The following RBFOX1 variants were observed in gnomAD, a reference collection of about 807,000 sequenced individuals.
RBFOX1 encodes RNA binding protein fox-1 homolog 1.
RBFOX1 carries 8 observed loss-of-function variants against 57.7 expected under a neutral mutation model. That is an observed-to-expected ratio of 0.14 (90% CI 0.08 to 0.25). The LOEUF is 0.25. Among genes scored for constraint, RBFOX1 ranks in the 10% least tolerant of loss-of-function variants. RBFOX1 has a pLI of 1.00. For missense variants in RBFOX1, 611 were observed against 548.5 expected (o/e 1.11, Z -1.14); for synonymous variants, 326 against 222.4 (o/e 1.47, Z -4.15).
intron 1 of RBFOX1, among the ~76,000 whole-genome samples, chr16:6,044,783 C>G (rs2095477865): frequency 6.6e-6 from 1 of 152,218 alleles, no homozygotes. Flanking sequence ...GGCGTGAACT[C>G]TGAACTGCCT....
At chr16:7,493,655 G>C (rs1460508673) in intron 4 of RBFOX1, among the ~76,000 whole-genome samples, 1 of 152,182 alleles carries the variant, frequency 6.6e-6, no homozygotes, top group Non-Finnish European at 1.5e-5. Flanking sequence ...TGGAGAAAGA[G>C]ACCACAAGGT....
chr16:7,116,411 A>G (rs1406745696), intron 4 of RBFOX1, among the ~76,000 whole-genome samples: 7 of 152,108 alleles, frequency 4.6e-5, no homozygotes, highest in South Asian at 4.1e-4. Context: ...AGGGACAGCA[A>G]TATTGCAGTG....
intron 1 of RBFOX1, among the ~76,000 whole-genome samples, chr16:6,193,412 A>ATATATATAC (rs2097159299): frequency 5.2e-5 from 5 of 95,664 alleles, no homozygotes; most frequent in Admixed American, 1.3e-4. Flanking sequence ...ATATATATAT[A>ATATATATAC]TATATATATA....
chr16:6,674,388 C>G (rs28417112), intron 3 of RBFOX1, among the ~76,000 whole-genome samples: 18,799 of 151,934 alleles, frequency 0.12, 1,516 homozygotes, highest in African/African-American at 0.22. Flanking sequence ...ATGGTGCGAT[C>G]TCAGCTCACC....
Position 5,946,495 on chromosome 16 carries a change from G to A in RBFOX1, c.351+79160G>A, listed in dbSNP as rs369796410. 1.2e-4 allele frequency among the ~76,000 whole-genome samples: 19 copies of A among 152,316 alleles called. No individual in the cohort carries two copies. The highest frequency in any genetic ancestry group is 3.1e-4 in the African/African-American group (13 of 41,584). ...CATGGAATGGGAGTGCCTCATGGTG[G>A]GGTGCCTGGAGAGGACATGGAAGTT... is the stretch of plus-strand genomic sequence containing the variant. On this transcript the variant is annotated intron_variant, in intron 4 of 19. Coordinates refer to the RBFOX1 transcript ENST00000641259. This position sits in a 1 kb window ranked among gnomAD's most constrained non-coding sequence, Gnocchi z 4.6.
At chr16:5,641,994 G>A (rs184238544) in intron 3 of RBFOX1, among the ~76,000 whole-genome samples, 1 of 152,192 alleles carries the variant, frequency 6.6e-6, no homozygotes, top group South Asian at 2.1e-4. Context: ...TGGATCTCGA[G>A]TGAGTTCTCA....
chr16:6,501,469 C>G (rs1405730516), intron 2 of RBFOX1, among the ~76,000 whole-genome samples: 1 of 151,968 alleles, frequency 6.6e-6, no homozygotes, highest in African/African-American at 2.4e-5. Flanking sequence ...AGGACATGAA[C>G]TCACCATTTT....
intron 4 of RBFOX1, among the ~76,000 whole-genome samples, chr16:7,259,118 C>T (rs542052028): frequency 1.3e-5 from 2 of 152,118 alleles, no homozygotes; most frequent in African/African-American, 2.4e-5. Context: ...CCTGGTTGAC[C>T]ATCTCCATCA....
chr16:5,703,479 T>C (rs17432885), intron 3 of RBFOX1, among the ~76,000 whole-genome samples: 31,330 of 152,108 alleles, frequency 0.21, 4,517 homozygotes, highest in East Asian at 0.65. Context: ...GAAGCCAGAG[T>C]ACAAATATCA....
chr16:6,512,428 G>A (rs905419525), intron 2 of RBFOX1, among the ~76,000 whole-genome samples: 1 of 152,086 alleles, frequency 6.6e-6, no homozygotes, highest in Non-Finnish European at 1.5e-5. Context: ...TTGCATTCAG[G>A]CCTTGGACAT....
chr16:7,213,653 T>C (rs1175775598), intron 4 of RBFOX1, among the ~76,000 whole-genome samples: 1 of 152,148 alleles, frequency 6.6e-6, no homozygotes, highest in Non-Finnish European at 1.5e-5. Context: ...TGAGATGAGC[T>C]ATCTCATTTA....
intron 2 of RBFOX1, among the ~76,000 whole-genome samples, chr16:6,376,958 C>T (rs1470659036): frequency 6.6e-6 from 1 of 151,980 alleles, no homozygotes; most frequent in Non-Finnish European, 1.5e-5. Context: ...TGTCTCCAAA[C>T]TTCCTTCTTC....
chr16:7,327,415 C>T (rs867120626), intron 4 of RBFOX1, among the ~76,000 whole-genome samples: 14 of 152,170 alleles, frequency 9.2e-5, no homozygotes, highest in African/African-American at 3.4e-4. Context: ...AGGAAATTTT[C>T]CATTACCCAC....
At chr16:6,821,853 G>T (rs189674278) in intron 3 of RBFOX1, among the ~76,000 whole-genome samples, 2 of 152,168 alleles carry the variant, frequency 1.3e-5, no homozygotes, top group African/African-American at 4.8e-5. Context: ...GCACTTGTCT[G>T]TTTTCAATTT....
intron 3 of RBFOX1, among the ~76,000 whole-genome samples, chr16:5,813,120 G>C (rs1320787764): frequency 6.6e-6 from 1 of 150,572 alleles, no homozygotes. Context: ...TGATTCTCCT[G>C]CCTCAGCCTC....
At chr16:6,871,997 T>C (rs1410626079) in intron 3 of RBFOX1, among the ~76,000 whole-genome samples, 1 of 151,068 alleles carries the variant, frequency 6.6e-6, no homozygotes, top group Non-Finnish European at 1.5e-5. Flanking sequence ...TCTGAAACCC[T>C]TTGTATACTC....
intron 1 of RBFOX1, among the ~76,000 whole-genome samples, chr16:5,351,235 C>T (rs2065256089): frequency 6.6e-6 from 1 of 152,194 alleles, no homozygotes; most frequent in Non-Finnish European, 1.5e-5. Flanking sequence ...AAGCACTTTG[C>T]AGGAGTTGCT....
At chr16:6,509,115 G>C (rs193016875) in intron 2 of RBFOX1, among the ~76,000 whole-genome samples, 3 of 152,140 alleles carry the variant, frequency 2.0e-5, no homozygotes, top group Admixed American at 2.0e-4. Flanking sequence ...ACCAGATTTT[G>C]TTGTGCTTTC....
chr16:6,951,920 G>T (rs984622593), intron 3 of RBFOX1, among the ~76,000 whole-genome samples: 3 of 152,140 alleles, frequency 2.0e-5, no homozygotes, highest in Non-Finnish European at 4.4e-5. Flanking sequence ...ATATTTAGTA[G>T]AGATGGGGTT....
Sources: gnomAD v4.1 joint callset for allele counts (sites outside exome capture counted in the v4.1 genomes callset) on GRCh38, gnomAD v4.1.1 for gene constraint, Gnocchi (gnomAD v3.1) non-coding constraint, MANE v1.5 for transcripts, NCBI Gene and HGNC (gene_info 2026-07-23, HGNC 2026-07-21) for gene names.